Variants in SUGCT observed in about 807,000 individuals in gnomAD.
SUGCT encodes the protein succinyl-CoA:glutarate-CoA transferase.
In SUGCT, 41 loss-of-function variants were observed where a neutral mutation model predicts 55.0. The observed-to-expected ratio is 0.74, with a 90% CI of 0.58 to 0.97. SUGCT has a LOEUF of 0.97. Among genes scored for constraint, SUGCT ranks in the 50% least tolerant of loss-of-function variants. SUGCT has a pLI of 0.00. For missense variants in SUGCT, 568 were observed against 547.8 expected, an observed-to-expected ratio of 1.04 and a Z score of -0.37; for synonymous variants, 187 against 200.4, an observed-to-expected ratio of 0.93 and a Z score of 0.56.
At chr7:40,791,095 A>G (rs1428249156) in intron 13 of SUGCT, among the ~76,000 whole-genome samples, 8 of 152,198 alleles carry the variant, frequency 5.3e-5, no homozygotes, top group African/African-American at 1.9e-4. Flanking sequence ...TTCTTTTACA[A>G]AATTCATAAA....
the SUGCT span, among the ~76,000 whole-genome samples, chr7:40,975,815 A>C: frequency 2.6e-5 from 4 of 152,250 alleles, no homozygotes; most frequent in Admixed American, 6.5e-5. Context: ...ATGAACACTC[A>C]TATGCAAGTA....
intron 12 of SUGCT, chr7:40,539,760 C>T (rs977774564): frequency 2.0e-5 from 3 of 151,988 alleles, no homozygotes; most frequent in Non-Finnish European, 4.4e-5. Context: ...TCATTTTATC[C>T]CTAGAAAAAT....
intron 12 of SUGCT, among the ~76,000 whole-genome samples, chr7:40,741,480 A>G (rs756729133): frequency 1.1e-4 from 17 of 152,170 alleles, no homozygotes; most frequent in South Asian, 1.0e-3. Flanking sequence ...CTCTGATAAT[A>G]TTAAGTTTTG....
intron 13 of SUGCT, among the ~76,000 whole-genome samples, chr7:40,772,980 C>T (rs1789256218): frequency 6.6e-6 from 1 of 152,102 alleles, no homozygotes; most frequent in Non-Finnish European, 1.5e-5. Context: ...AAACAACTTC[C>T]TCACTTTCTT....
intron 3 of SUGCT, among the ~76,000 whole-genome samples, chr7:40,187,653 A>G (rs1785603462): frequency 6.6e-6 from 1 of 152,216 alleles, no homozygotes; most frequent in South Asian, 2.1e-4. Flanking sequence ...AAAATAAACT[A>G]CTAGCCTGGT....
At chr7:40,623,725 TACAC>T (rs1160239876) in intron 12 of SUGCT, among the ~76,000 whole-genome samples, 1 of 152,044 alleles carries the variant, frequency 6.6e-6, no homozygotes, top group Non-Finnish European at 1.5e-5. Context: ...CATGCACTCA[TACAC>T]ACACATACAC....
chr7:40,153,776 G>T, intron 1 of SUGCT: 1 of 415,336 alleles, frequency 2.4e-6, no homozygotes. Context: ...ATTAAAGAAG[G>T]CTAACCATCC....
chr7:40,729,396 G>A (rs555462705), intron 12 of SUGCT, among the ~76,000 whole-genome samples: 34 of 152,328 alleles, frequency 2.2e-4, no homozygotes, highest in Admixed American at 1.0e-3. Context: ...ATTAGAAGAG[G>A]AAGCACAATA....
At chr7:40,194,683 A>G (rs1562567803) in intron 5 of SUGCT, among the ~76,000 whole-genome samples, 1 of 152,218 alleles carries the variant, frequency 6.6e-6, no homozygotes, top group African/African-American at 2.4e-5. Context: ...TAGTCTAGAT[A>G]TTTATTACAT....
the SUGCT span, among the ~76,000 whole-genome samples, chr7:40,940,659 G>A: frequency 6.6e-6 from 1 of 151,720 alleles, no homozygotes; most frequent in African/African-American, 2.4e-5. Context: ...GAAGGATTGA[G>A]TTCTTGATTT....
At chr7:40,214,958 T>C (rs1787540912) in intron 6 of SUGCT, among the ~76,000 whole-genome samples, 1 of 150,902 alleles carries the variant, frequency 6.6e-6, no homozygotes, top group Non-Finnish European at 1.5e-5. Context: ...GGAAAGAGTA[T>C]GTGTATATGT....
intron 13 of SUGCT, among the ~76,000 whole-genome samples, chr7:40,771,140 A>G (rs1040852961): frequency 1.3e-5 from 2 of 152,230 alleles, no homozygotes; most frequent in African/African-American, 4.8e-5. Flanking sequence ...AAAGTATAAC[A>G]AATGTAGCTG....
chr7:40,734,301 C>A (rs1224794276), intron 12 of SUGCT, among the ~76,000 whole-genome samples: 1 of 152,180 alleles, frequency 6.6e-6, no homozygotes, highest in Non-Finnish European at 1.5e-5. Flanking sequence ...ATACTAGAAT[C>A]TTATTATAGT....
chr7:40,544,049 T>G (rs192759332), intron 12 of SUGCT, among the ~76,000 whole-genome samples: 10 of 152,092 alleles, frequency 6.6e-5, no homozygotes. Flanking sequence ...TATTAAAAAT[T>G]AGAGATCCCT....
chr7:40,158,950 C>T lies in SUGCT; in HGVS notation c.101-21997C>T, dbSNP rs182611469. Among the ~76,000 whole-genome samples the T allele has an allele frequency of 3.3e-5, 5 of 152,292 alleles. No individual in the cohort carries two copies. In the East Asian group the frequency reaches 9.6e-4, roughly 29 times the overall value. ...GTATTTCTTGAGACAGGGTCTGGCT[C>T]TATTGCCTAGGATGAAGTGCAGTGG... On this transcript the variant is annotated intron_variant, in intron 1 of 13. Transcript: ENST00000335693.
In SUGCT at chr7:40,195,042, A is replaced by G; in HGVS notation, c.466A>G (p.Ile156Val). The change falls in exon 6 of 14, where the codon ATC becomes GTC. Residue 156 changes from isoleucine to valine, a missense_variant. By Grantham distance (29) the Ile-to-Val change is conservative. Transcript: ENST00000335693. ...TATAGACGAGATTGCTCCTCACATC[A>G]TCTATTGTTCCATCACAGGTATTTC... ...EDIDEIAPHI[I>V]YCSITGYGQT... is the part of the protein sequence containing the mutation. The G allele has an allele frequency of 3.7e-6, 6 of 1,613,514 alleles. No homozygotes were observed. The highest frequency in any genetic ancestry group is 5.1e-6 in the Non-Finnish European group (6 of 1,179,696).
chr7:40,604,070 G>A (rs1430657733), intron 12 of SUGCT, among the ~76,000 whole-genome samples: 1 of 152,058 alleles, frequency 6.6e-6, no homozygotes, highest in Non-Finnish European at 1.5e-5. Context: ...CTAGACCTTT[G>A]CATAGGAGTG....
At chr7:40,554,111 G>A (rs1052678765) in intron 12 of SUGCT, among the ~76,000 whole-genome samples, 3 of 152,228 alleles carry the variant, frequency 2.0e-5, no homozygotes, top group African/African-American at 7.2e-5. Flanking sequence ...CTTAGGCAAT[G>A]CATTTAATTC....
At chr7:40,784,221 G>A (rs1243820279) in intron 13 of SUGCT, among the ~76,000 whole-genome samples, 1 of 152,116 alleles carries the variant, frequency 6.6e-6, no homozygotes, top group Non-Finnish European at 1.5e-5. Flanking sequence ...TGTGTTGGGG[G>A]TGAGGGGGGT....
Sources: gnomAD v4.1 joint callset for allele counts (sites outside exome capture counted in the v4.1 genomes callset) on GRCh38, gnomAD v4.1.1 for gene constraint, MANE v1.5 for transcripts, NCBI Gene and HGNC (gene_info 2026-07-23, HGNC 2026-07-21) for gene names.